BAZ2A: variants seen among roughly 807,000 people sequenced by gnomAD.
BAZ2A encodes bromodomain adjacent to zinc finger domain protein 2A.
In BAZ2A, 34 loss-of-function variants were observed where a neutral mutation model predicts 199.9. That is an observed-to-expected ratio of 0.17 (90% CI 0.13 to 0.23). The LOEUF is 0.23. Among genes scored for constraint, BAZ2A ranks in the 10% least tolerant of loss-of-function variants. The pLI, the probability that BAZ2A is intolerant of heterozygous loss-of-function variation, is 1.00. For synonymous variants in BAZ2A, 857 were observed against 883.9 expected, an observed-to-expected ratio of 0.97 and a Z score of 0.54; for missense variants, 2,002 against 2,391.1, an observed-to-expected ratio of 0.84 and a Z score of 3.39.
Position 56,598,346 on chromosome 12 carries a change from CAG to C in BAZ2A, c.*270_*271del. 1 of 361,116 alleles carries C rather than the reference CAG, an allele frequency of 2.8e-6. No individual in the cohort carries two copies. The highest frequency in any genetic ancestry group is 4.7e-5 in the South Asian group (1 of 21,108). 22.4% of individuals were successfully genotyped at this position (361,116 alleles called of 1,614,324 possible). On this transcript the variant is annotated 3_prime_UTR_variant, in exon 29 of 29. Coordinates refer to ENST00000549884, the MANE Select transcript of BAZ2A (RefSeq NM_001300905.2). ...CCCCATTTTTAATTAGCAAATAAAA[CAG>C]AAAAGAAAAATTATTTTTTTCTTTC...
chr12:56,599,154 G>A lies in BAZ2A; in HGVS notation c.5377C>T (p.His1793Tyr). 6.2e-7 allele frequency: 1 copy of A among 1,612,394 alleles called. No homozygotes were observed. Among genetic ancestry groups the A allele is most frequent in the South Asian group, 1.1e-5 (1 of 90,664 alleles). ...SKRRRLSMRN[H>Y]HSDLTFCEII... Reference sequence around the variant, plus strand: ...TCGCAAAATGTGAGATCACTGTGGTGGTTCCGCATAGAGAGTCGCCGCCGC... The same window carrying A: ...TCGCAAAATGTGAGATCACTGTGGTAGTTCCGCATAGAGAGTCGCCGCCGC... Residue 1793 changes from histidine (H) to tyrosine (Y), a missense_variant, in exon 27 of 29, where the codon CAC (histidine) becomes TAC (tyrosine). This residue lies in a region of BAZ2A where 122 missense variants were observed against 123.0 expected (regional missense o/e 0.99). Coordinates refer to ENST00000549884, the MANE Select transcript of BAZ2A (RefSeq NM_001300905.2).
At position 56,609,732 on chromosome 12, in the gene BAZ2A, G is replaced by T; in HGVS notation, c.2092+4C>A. The T allele has an allele frequency of 6.2e-7, 1 of 1,612,538 alleles. No homozygotes were observed. Among genetic ancestry groups the T allele is most frequent in the Middle Eastern group, 1.7e-4 (1 of 6,056 alleles). On this transcript the variant is annotated splice_donor_region_variant and intron_variant, in intron 10 of 28. Coordinates refer to ENST00000549884, the MANE Select transcript of BAZ2A (RefSeq NM_001300905.2). Reference sequence around the variant, plus strand: ...GAATCCCAAAGTAAGAAATACCACTGTACCTTGGGCCTCCAGTTTCTTTAG... The same window carrying T: ...GAATCCCAAAGTAAGAAATACCACTTTACCTTGGGCCTCCAGTTTCTTTAG...
chr12:56,606,836 C>A, intron 10 of BAZ2A, 103 bp from the exon 11 acceptor site: 1 of 900,116 alleles, frequency 1.1e-6, no homozygotes, highest in Admixed American at 1.9e-5. Flanking sequence ...CCAAGCAGCT[C>A]CCTGAAGAAT....
chr12:56,638,308 G>A (rs762740307), upstream of BAZ2A: 2 of 1,608,400 alleles, frequency 1.2e-6, no homozygotes, highest in Admixed American at 1.7e-5. Flanking sequence ...AGACAGTACA[G>A]AGGACAAAGA....
At chr12:56,638,048 G>T (rs1862275758), upstream of BAZ2A, 4 of 350,922 alleles carry the variant, frequency 1.1e-5, no homozygotes, top group Non-Finnish European at 2.1e-5. Context: ...TGAGGTGGGA[G>T]ATCTCGAGCC....
chr12:56,607,313 G>C (rs573079647), intron 10 of BAZ2A, among the ~76,000 whole-genome samples: 6 of 152,338 alleles, frequency 3.9e-5, no homozygotes, highest in African/African-American at 1.4e-4. Flanking sequence ...AAGACTTGTG[G>C]AAGTATAATT....
At chr12:56,633,763 A>C (rs1011995201), upstream of BAZ2A, among the ~76,000 whole-genome samples, 1 of 152,068 alleles carries the variant, frequency 6.6e-6, no homozygotes, top group African/African-American at 2.4e-5. Flanking sequence ...GTTTTGAGAC[A>C]GTCTTGCTCT....
Position 56,606,708 on chromosome 12 carries a change from T to C in BAZ2A, c.2118A>G (p.Ala706=). 1.9e-6 allele frequency: 3 copies of C among 1,613,948 alleles called. No individual in the cohort carries two copies. Among genetic ancestry groups the C allele is most frequent in the Non-Finnish European group, 2.5e-6 (3 of 1,179,894 alleles). ...TCTTCTTCTTGCTTTTAGCAATCTTTGCTTTATCCTCCTCATTCAATGTTT... is the reference window on the plus strand; with the variant it reads ...TCTTCTTCTTGCTTTTAGCAATCTTCGCTTTATCCTCCTCATTCAATGTTT... ...AQETLNEEDK[A]KIAKSKKKMR... is the part of the protein sequence containing the mutation. The change falls in exon 11 of 29, where the codon GCA becomes GCG. Residue 706 remains alanine, a synonymous_variant. Coordinates refer to ENST00000549884, the MANE Select transcript of BAZ2A (RefSeq NM_001300905.2).
At chr12:56,611,114 C>A (rs930975509) in intron 7 of BAZ2A, among the ~76,000 whole-genome samples, 1 of 152,158 alleles carries the variant, frequency 6.6e-6, no homozygotes, top group African/African-American at 2.4e-5. Context: ...GCAGTTATTT[C>A]CACAAGGCCC....
At chr12:56,616,788 A>G (rs1026978610) in intron 2 of BAZ2A, among the ~76,000 whole-genome samples, 1 of 152,178 alleles carries the variant, frequency 6.6e-6, no homozygotes, top group African/African-American at 2.4e-5. Context: ...TTGAAACCCA[A>G]GCAAGATTAC....
Position 56,605,070 on chromosome 12 carries a change from C to G in BAZ2A, c.2748+3G>C. On this transcript the variant is annotated splice_donor_region_variant and intron_variant, in intron 14 of 28. Coordinates refer to ENST00000549884, the MANE Select transcript of BAZ2A (RefSeq NM_001300905.2). The stretch of plus-strand genomic sequence containing the variant: ...GGTTACTTTGGGAGGGACTTGCACT[C>G]ACCTGACAGTAGGAGGGAAAGCCAG... The G allele has an allele frequency of 6.3e-7, 1 of 1,598,178 alleles. No homozygotes were observed.
chr12:56,633,227 G>C (rs1951361095), upstream of BAZ2A, among the ~76,000 whole-genome samples: 3 of 152,288 alleles, frequency 2.0e-5, no homozygotes, highest in South Asian at 6.2e-4. Flanking sequence ...TCTGTAGCCA[G>C]ATGGCTAGGG....
At position 56,601,934 on chromosome 12, in the gene BAZ2A, G is replaced by A. The variant is rs1886523107; in HGVS notation, c.3683C>T (p.Pro1228Leu). The A allele has an allele frequency of 6.3e-7, 1 of 1,581,554 alleles. No individual in the cohort carries two copies. The highest frequency in any genetic ancestry group is 8.6e-7 in the Non-Finnish European group (1 of 1,163,512). ...CTGAAGCTGAGGCTGGGGCTGGGCA[G>A]GAGCATGAAGCTGAGCCTCAGGCTG... ...QLQPEAQLHA[P>L]AQPQPQLQLQ... The change falls in exon 20 of 29, where the codon CCT (proline) becomes CTT (leucine). Residue 1228 changes from proline to leucine, a missense_variant. Pro to Leu is a moderately conservative substitution (Grantham distance 98, BLOSUM62 -3). Coordinates refer to ENST00000549884, the MANE Select transcript of BAZ2A (RefSeq NM_001300905.2).
At position 56,617,509 on chromosome 12, in the gene BAZ2A, T is replaced by A. The variant is rs754312961; in HGVS notation, c.22A>T (p.Asn8Tyr). 6.2e-7 allele frequency: 1 copy of A among 1,608,002 alleles called. No individual in the cohort carries two copies. The highest frequency in any genetic ancestry group is 1.7e-5 in the Admixed American group (1 of 59,084). Residue 8 changes from asparagine to tyrosine, a missense_variant, in exon 2 of 29, where the codon AAC becomes TAC. Physicochemically the swap from Asn to Tyr is moderately radical, Grantham distance 143. Transcript: ENST00000549884. MEANDHF[N>Y]FTGLPPAPAA... ...GGTGCAGGGGGAAGGCCAGTAAAGT[T>A]AAAATGGTCGTTTGCCTCCATTTCT...
chr12:56,614,966 C>G (rs1343948134), intron 3 of BAZ2A, 48 bp downstream of exon 3: 4 of 1,537,648 alleles, frequency 2.6e-6, no homozygotes, highest in South Asian at 2.4e-5. Context: ...CTATCCCCCC[C>G]GAGCTCCATT....
Position 56,613,236 on chromosome 12 carries a change from G to A in BAZ2A, c.917-3C>T. 4 of 1,612,436 alleles carry A rather than the reference G, an allele frequency of 2.5e-6. No homozygotes were observed. The highest frequency in any genetic ancestry group is 3.4e-6 in the Non-Finnish European group (4 of 1,178,528). On this transcript the variant is annotated splice_region_variant and splice_polypyrimidine_tract_variant and intron_variant, in intron 4 of 28. Transcript: ENST00000549884. ...ATATAGTCCTCCACTCACTGGCTCTGTTTACAAGGGTAGAAAAATCAGAGC... is the reference window on the plus strand; with the variant it reads ...ATATAGTCCTCCACTCACTGGCTCTATTTACAAGGGTAGAAAAATCAGAGC...
intron 10 of BAZ2A, among the ~76,000 whole-genome samples, chr12:56,609,261 A>G (rs1403259768): frequency 1.3e-5 from 2 of 151,392 alleles, no homozygotes; most frequent in African/African-American, 4.9e-5. Flanking sequence ...GTAGCCTCCA[A>G]ACTCCTGGGC....
chr12:56,627,589 C>G (rs1008338656), intron 1 of BAZ2A, among the ~76,000 whole-genome samples: 3 of 151,712 alleles, frequency 2.0e-5, no homozygotes, highest in African/African-American at 4.8e-5. Context: ...CTTTGGGAGG[C>G]TAAGGCAGGC....
chr12:56,630,413 G>A (rs540187173), upstream of BAZ2A: 12 of 441,046 alleles, frequency 2.7e-5, no homozygotes, highest in Non-Finnish European at 3.6e-5. Context: ...AAGCCCGCCA[G>A]CCCATCTTTC....
Sources: gnomAD v4.1 joint callset for allele counts (sites outside exome capture counted in the v4.1 genomes callset) on GRCh38, gnomAD v4.1.1 for gene constraint, gnomAD v4.1.1 regional missense constraint, MANE v1.5 for transcripts, NCBI Gene and HGNC (gene_info 2026-07-23, HGNC 2026-07-21) for gene names.